PTPRD: variants seen among roughly 807,000 people sequenced by gnomAD.
PTPRD encodes the protein protein tyrosine phosphatase receptor type D.
Under a neutral mutation model 214.5 loss-of-function variants are expected in PTPRD, and 34 were observed. The ratio of observed to expected loss-of-function variants is 0.16; its 90% CI spans 0.12 to 0.21. PTPRD has a LOEUF of 0.21. Ranked by LOEUF, PTPRD falls within the 10% of genes least tolerant of loss-of-function variation. PTPRD has a pLI of 1.00. For missense variants in PTPRD, 2,545 were observed against 2,398.7 expected (o/e 1.06, Z -1.27); for synonymous variants, 1,128 against 845.7 (o/e 1.33, Z -5.79).
chr9:9,186,090 C>A (rs1257634927), intron 9 of PTPRD, among the ~76,000 whole-genome samples: 1 of 152,004 alleles, frequency 6.6e-6, no homozygotes, highest in Admixed American at 6.6e-5. Context: ...ATTAAGAAGT[C>A]CCATTTTATT....
chr9:9,350,313 GCA>G (rs2050627327), intron 9 of PTPRD, among the ~76,000 whole-genome samples: 1 of 152,062 alleles, frequency 6.6e-6, no homozygotes, highest in African/African-American at 2.4e-5. Context: ...TCTTATAGGT[GCA>G]GAGGTATGTG....
intron 11 of PTPRD, among the ~76,000 whole-genome samples, chr9:8,948,040 A>G (rs1269398908): frequency 2.0e-5 from 2 of 99,398 alleles, no homozygotes; most frequent in African/African-American, 7.7e-5. Context: ...TTTTTTTTTG[A>G]GACGGAGTCT....
intron 8 of PTPRD, among the ~76,000 whole-genome samples, chr9:9,540,988 T>TAA (rs148682199): frequency 5.3e-5 from 8 of 151,634 alleles, no homozygotes; most frequent in Non-Finnish European, 7.4e-5. Context: ...CTGAAGATAT[T>TAA]AAAAAAACAA....
At chr9:8,815,449 C>G (rs2096901044) in intron 11 of PTPRD, among the ~76,000 whole-genome samples, 2 of 152,158 alleles carry the variant, frequency 1.3e-5, no homozygotes, top group Non-Finnish European at 2.9e-5. Flanking sequence ...TCAGGCAACT[C>G]AGATGAAAGG....
At chr9:9,851,992 C>G (rs1360173579) in intron 5 of PTPRD, among the ~76,000 whole-genome samples, 2 of 152,096 alleles carry the variant, frequency 1.3e-5, no homozygotes, top group East Asian at 3.8e-4. Flanking sequence ...TCCCCGATTT[C>G]AGATTTAACA....
chr9:10,562,208 T>G (rs568328294), intron 2 of PTPRD, among the ~76,000 whole-genome samples: 1 of 152,208 alleles, frequency 6.6e-6, no homozygotes, highest in South Asian at 2.1e-4. Flanking sequence ...CTCTGCCAAG[T>G]GTTCTTTTTA....
At position 8,314,416 on chromosome 9, in the gene PTPRD, A is replaced by C. The variant is rs1820854373; in HGVS notation, c.*3458T>G. The C allele has an allele frequency of 4.3e-6, 1 of 230,572 alleles. No homozygotes were observed. The highest frequency in any genetic ancestry group is 5.7e-5 in the Admixed American group (1 of 17,664). The allele number at this position is 230,572 out of a possible 1,614,324, so 14.3% of individuals were successfully genotyped here. ...TTACGCGTACTACTAATTAGAGGTA[A>C]TTGTATTTTTTAACAAGCCATTTTA... On this transcript the variant is annotated 3_prime_UTR_variant, in exon 46 of 46. Coordinates refer to ENST00000381196, the MANE Select transcript of PTPRD (RefSeq NM_002839.4).
intron 2 of PTPRD, among the ~76,000 whole-genome samples, chr9:10,603,211 G>A (rs1456168962): frequency 6.6e-6 from 1 of 151,802 alleles, no homozygotes; most frequent in Non-Finnish European, 1.5e-5. Context: ...CTGACAGATT[G>A]GAAATCCCAA....
intron 2 of PTPRD, among the ~76,000 whole-genome samples, chr9:10,394,298 T>C (rs1431021811): frequency 6.7e-6 from 1 of 149,840 alleles, no homozygotes; most frequent in East Asian, 2.0e-4. Context: ...TGCCTCAACA[T>C]ACTTCTTTTG....
intron 3 of PTPRD, among the ~76,000 whole-genome samples, chr9:10,036,506 G>GCACA (rs59938783): frequency 0.07 from 9,915 of 142,008 alleles, 569 homozygotes; most frequent in African/African-American, 0.15. Context: ...ACACACTCAT[G>GCACA]CACACACACA....
intron 8 of PTPRD, among the ~76,000 whole-genome samples, chr9:9,484,741 CA>C (rs2095557320): frequency 6.6e-6 from 1 of 152,086 alleles, no homozygotes; most frequent in Admixed American, 6.6e-5. Context: ...ATAGGTATTA[CA>C]TTGCAGAATG....
chr9:9,956,404 T>C (rs1195362796), intron 4 of PTPRD, among the ~76,000 whole-genome samples: 1 of 152,090 alleles, frequency 6.6e-6, no homozygotes, highest in Non-Finnish European at 1.5e-5. Context: ...ACCTGAAAGA[T>C]TAAAATAGTT....
chr9:10,310,063 T>G (rs780697717), intron 3 of PTPRD, among the ~76,000 whole-genome samples: 2 of 152,096 alleles, frequency 1.3e-5, no homozygotes, highest in Non-Finnish European at 2.9e-5. Flanking sequence ...TTCCTCACAA[T>G]TGGTAAAATG....
At chr9:9,015,135 C>G (rs1354646734) in intron 11 of PTPRD, among the ~76,000 whole-genome samples, 1 of 144,766 alleles carries the variant, frequency 6.9e-6, no homozygotes, top group Admixed American at 6.9e-5. Context: ...AACAATCAAT[C>G]AATCAATCAT....
intron 11 of PTPRD, among the ~76,000 whole-genome samples, chr9:8,809,711 T>C (rs892963636): frequency 6.6e-6 from 1 of 152,222 alleles, no homozygotes. Context: ...TTACTCTGCG[T>C]ACAAATCCAG....
At chr9:9,351,841 C>T (rs1316338295) in intron 9 of PTPRD, among the ~76,000 whole-genome samples, 1 of 151,994 alleles carries the variant, frequency 6.6e-6, no homozygotes, top group East Asian at 1.9e-4. Context: ...ACTCTCTGTG[C>T]CTCCATTTCT....
intron 2 of PTPRD, among the ~76,000 whole-genome samples, chr9:10,380,540 C>T (rs1239638211): frequency 6.6e-6 from 1 of 152,018 alleles, no homozygotes; most frequent in African/African-American, 2.4e-5. Context: ...TGTGTCTTTA[C>T]TACCACATGA....
intron 14 of PTPRD, among the ~76,000 whole-genome samples, chr9:8,622,178 T>C (rs75481490): frequency 6.6e-6 from 1 of 151,948 alleles, no homozygotes; most frequent in African/African-American, 2.4e-5. Context: ...AACAAATGGG[T>C]ATATTACTCT....
At chr9:9,565,223 T>C (rs967232324) in intron 8 of PTPRD, among the ~76,000 whole-genome samples, 2 of 151,958 alleles carry the variant, frequency 1.3e-5, no homozygotes, top group Non-Finnish European at 2.9e-5. Context: ...TTTGCAACTC[T>C]AAACAAACCT....
Sources: gnomAD v4.1 joint callset for allele counts (sites outside exome capture counted in the v4.1 genomes callset) on GRCh38, gnomAD v4.1.1 for gene constraint, MANE v1.5 for transcripts, NCBI Gene and HGNC (gene_info 2026-07-23, HGNC 2026-07-21) for gene names.